The following NTRK2 variants were observed in gnomAD, a reference collection of about 807,000 sequenced individuals.
NTRK2 encodes the protein neurotrophic receptor tyrosine kinase 2, also known as BDNF/NT-3 growth factors receptor.
NTRK2 carries 13 observed loss-of-function variants against 94.5 expected under a neutral mutation model. The observed-to-expected ratio is 0.14, with a 90% confidence interval of 0.09 to 0.22. The LOEUF (loss-of-function observed/expected upper bound fraction) is 0.22. Ranked by LOEUF, NTRK2 falls within the 10% of genes least tolerant of loss-of-function variation. The pLI is 1.00. For synonymous variants in NTRK2, 372 were observed against 407.4 expected, an observed-to-expected ratio of 0.91 and a Z score of 1.05; for missense variants, 639 against 1,071.2, an observed-to-expected ratio of 0.60 and a Z score of 5.63.
chr9:84,830,170 A>G lies in NTRK2; in HGVS notation c.1397-30870A>G, dbSNP rs573643094. Among the ~76,000 whole-genome samples the G allele has an allele frequency of 2.0e-5, 3 of 152,346 alleles. No homozygotes were observed. In the South Asian group the frequency reaches 6.2e-4, roughly 32 times the overall value. The stretch of plus-strand genomic sequence containing the variant: ...TCACAGTGGCTCTGGCAACGACAGC[A>G]GGTCAAGACATGCTTCATGCTTCTT... On this transcript the variant is annotated intron_variant, in intron 12 of 18. Coordinates refer to ENST00000277120, the MANE Select transcript of NTRK2 (RefSeq NM_006180.6).
At chr9:84,701,879 T>G (rs1289566656) in intron 2 of NTRK2, among the ~76,000 whole-genome samples, 4 of 152,126 alleles carry the variant, frequency 2.6e-5, no homozygotes, top group African/African-American at 4.8e-5. Context: ...CTGGTGATAC[T>G]CCAAAAGGGA....
intron 17 of NTRK2, among the ~76,000 whole-genome samples, chr9:84,995,296 T>C (rs554837426): frequency 6.6e-6 from 1 of 152,174 alleles, no homozygotes; most frequent in East Asian, 1.9e-4. Flanking sequence ...TGCTTTTTTT[T>C]TTCCCCCAGA....
intron 11 of NTRK2, among the ~76,000 whole-genome samples, chr9:84,746,405 A>G (rs535739960): frequency 1.3e-5 from 2 of 152,256 alleles, no homozygotes; most frequent in South Asian, 2.1e-4. Context: ...AGTTTGCCTC[A>G]GTTGTTCTTT....
rs979227931 is a variant in NTRK2 at position 85,023,701 on chromosome 9, C to A, written c.*2264C>A. On this transcript the variant is annotated 3_prime_UTR_variant, in exon 19 of 19. Transcript: ENST00000277120. ...TGCATGTATGTATCATATTAAGGAC[C>A]CATGGTACTCTTAAAACACTGTAGA... 4.3e-6 allele frequency: 1 copy of A among 230,812 alleles called. No homozygotes were observed. The highest frequency in any genetic ancestry group is 6.1e-5 in the East Asian group (1 of 16,286). The allele number at this position is 230,812 out of a possible 1,614,324, so 14.3% of individuals were successfully genotyped here.
At chr9:84,727,613 T>C in intron 8 of NTRK2, 41 bp from the exon 9 acceptor site, 1 of 1,593,120 alleles carries the variant, frequency 6.3e-7, no homozygotes, top group Non-Finnish European at 8.6e-7. Flanking sequence ...GGGAGAATTC[T>C]GAGCTTTCTG....
intron 12 of NTRK2, among the ~76,000 whole-genome samples, chr9:84,828,762 A>G (rs1210765259): frequency 6.6e-6 from 1 of 152,136 alleles, no homozygotes; most frequent in Non-Finnish European, 1.5e-5. Context: ...TAGTTATTAT[A>G]TTTCCTTGTG....
At chr9:84,947,885 T>C (rs1195988809) in intron 15 of NTRK2, among the ~76,000 whole-genome samples, 1 of 152,172 alleles carries the variant, frequency 6.6e-6, no homozygotes, top group Non-Finnish European at 1.5e-5. Flanking sequence ...GCTGTCATGC[T>C]CCTGGGCATC....
chr9:84,932,547 C>T (rs1055859405), intron 14 of NTRK2, among the ~76,000 whole-genome samples: 7 of 151,934 alleles, frequency 4.6e-5, no homozygotes, highest in East Asian at 1.9e-4. Flanking sequence ...TTTATATTTT[C>T]GTATAATGCA....
intron 12 of NTRK2, among the ~76,000 whole-genome samples, chr9:84,763,602 A>G (rs975686808): frequency 9.9e-5 from 15 of 152,164 alleles, no homozygotes; most frequent in Non-Finnish European, 4.4e-5. Context: ...CATTGACAGT[A>G]TCATGTTCCT....
At chr9:85,012,006 T>A (rs1831650132) in intron 17 of NTRK2, among the ~76,000 whole-genome samples, 1 of 9,876 alleles carries the variant, frequency 1.0e-4, no homozygotes, top group Non-Finnish European at 3.2e-4. Context: ...ATTTTACTTT[T>A]GAGATGGAGT....
intron 2 of NTRK2, among the ~76,000 whole-genome samples, chr9:84,672,910 A>G (rs2058788300): frequency 6.6e-6 from 1 of 152,178 alleles, no homozygotes; most frequent in Non-Finnish European, 1.5e-5. Context: ...TAGATTTTAA[A>G]AATATTTACA....
At chr9:84,811,488 T>C in intron 12 of NTRK2, 1 of 1,065,660 alleles carries the variant, frequency 9.4e-7, no homozygotes, top group Non-Finnish European at 1.1e-6. Context: ...ACCTGCTTTT[T>C]AGAAGTCTGC....
intron 13 of NTRK2, among the ~76,000 whole-genome samples, chr9:84,865,509 T>C (rs1002221609): frequency 2.0e-5 from 3 of 152,168 alleles, no homozygotes; most frequent in African/African-American, 7.2e-5. Context: ...TTATATTTCA[T>C]AGGGGATTCA....
At chr9:84,999,728 G>A (rs74385021) in intron 17 of NTRK2, among the ~76,000 whole-genome samples, 2,768 of 152,310 alleles carry the variant, frequency 0.018, 73 homozygotes, top group African/African-American at 0.063. Context: ...CTCCTTGTGT[G>A]TCCATTGCCA....
At chr9:84,944,215 T>TCTCTCTCTCTCTCA (rs1440338055) in intron 15 of NTRK2, among the ~76,000 whole-genome samples, 1 of 120,316 alleles carries the variant, frequency 8.3e-6, no homozygotes, top group East Asian at 2.3e-4. Context: ...TCTCTCTCTC[T>TCTCTCTCTCTCTCA]CACACACACA....
intron 12 of NTRK2, among the ~76,000 whole-genome samples, chr9:84,808,020 T>C (rs1011598153): frequency 6.6e-6 from 1 of 152,214 alleles, no homozygotes; most frequent in African/African-American, 2.4e-5. Flanking sequence ...TATGTGTTTT[T>C]ATGGCGGCTT....
intron 12 of NTRK2, among the ~76,000 whole-genome samples, chr9:84,774,265 A>C (rs2066826125): frequency 6.6e-6 from 1 of 152,184 alleles, no homozygotes; most frequent in African/African-American, 2.4e-5. Flanking sequence ...ACGAGGGCCA[A>C]TGGCCTTGTC....
intron 2 of NTRK2, among the ~76,000 whole-genome samples, chr9:84,686,321 C>T (rs1013844125): frequency 6.6e-6 from 1 of 152,204 alleles, no homozygotes; most frequent in Non-Finnish European, 1.5e-5. Context: ...TGAGGGCGTT[C>T]TGCAGATGAA....
intron 12 of NTRK2, among the ~76,000 whole-genome samples, chr9:84,807,453 G>T (rs1391435077): frequency 1.3e-5 from 2 of 152,162 alleles, no homozygotes; most frequent in Non-Finnish European, 2.9e-5. Context: ...CTTTATCCTT[G>T]TTCCTATATA....
Sources: gnomAD v4.1 joint callset for allele counts (sites outside exome capture counted in the v4.1 genomes callset) on GRCh38, gnomAD v4.1.1 for gene constraint, MANE v1.5 for transcripts, NCBI Gene and HGNC (gene_info 2026-07-23, HGNC 2026-07-21) for gene names.